Variants in PABIR3 observed in about 807,000 individuals in gnomAD.
PABIR3 encodes the protein PABIR family member 1.
A neutral mutation model predicts 23.1 loss-of-function variants in PABIR3; 20 were observed. That is an observed-to-expected ratio of 0.86 (90% CI 0.61 to 1.26). PABIR3 has a LOEUF of 1.26. PABIR3 is among the 50% of genes most tolerant of loss of function. The pLI, the probability that PABIR3 is intolerant of heterozygous loss-of-function variation, is 0.00. For synonymous variants in PABIR3, 69 were observed against 68.5 expected (o/e 1.01, Z -0.04); for missense variants, 189 against 195.4 (o/e 0.97, Z 0.20).
chrX:134,830,886 T>C (rs1441536532), intron 4 of PABIR3, among the ~76,000 whole-genome samples: 1 of 111,176 alleles, frequency 9.0e-6, no homozygotes, highest in Non-Finnish European at 1.9e-5. Context: ...ATGCAGTTTA[T>C]TTCCATAGTA....
chrX:134,796,948 T>C (rs954502884), intron 1 of PABIR3: 2 of 111,449 alleles, frequency 1.8e-5, no homozygotes, highest in Non-Finnish European at 3.8e-5. Context: ...CCGGACCCGG[T>C]CCCGGAGGCT....
chrX:134,809,599 C>T, intron 2 of PABIR3: 1 of 752,790 alleles, frequency 1.3e-6, no homozygotes, highest in South Asian at 6.7e-5. Flanking sequence ...TTGCTCTTCA[C>T]CTTTTGTTGC....
chrX:134,829,317 T>TA, intron 4 of PABIR3, 35 bp downstream of exon 4: 1 of 1,109,459 alleles, frequency 9.0e-7, no homozygotes. Context: ...GCTGTTCATT[T>TA]AAAAAAGTAA....
chrX:134,809,755 A>G (rs2080525286), intron 2 of PABIR3: 1 of 727,374 alleles, frequency 1.4e-6, no homozygotes, highest in Admixed American at 8.9e-5. Context: ...AGCCAGTACT[A>G]GGAAGCTCTG....
intron 3 of PABIR3, 84 bp downstream of exon 3, chrX:134,814,933 C>T (rs1447971358): frequency 2.7e-6 from 2 of 733,582 alleles, no homozygotes; most frequent in African/African-American, 4.3e-5. Flanking sequence ...TGAGCATTCA[C>T]AGGGAGGGCT....
intron 2 of PABIR3, chrX:134,808,004 T>C (rs1330670079): frequency 3.3e-6 from 1 of 304,207 alleles, no homozygotes. Flanking sequence ...GGCTTTTTTC[T>C]AACTTCAACC....
At chrX:134,858,297 G>T (rs1171863079), downstream of PABIR3, among the ~76,000 whole-genome samples, 1 of 111,656 alleles carries the variant, frequency 9.0e-6, no homozygotes, top group African/African-American at 3.2e-5. Flanking sequence ...AAGGGGGGAC[G>T]AGTGTAGAGT....
intron 3 of PABIR3, among the ~76,000 whole-genome samples, chrX:134,817,814 G>C (rs759770747): frequency 1.8e-5 from 2 of 110,833 alleles, no homozygotes; most frequent in Non-Finnish European, 3.8e-5. Flanking sequence ...CCATTGAAGA[G>C]TTTTGAGCCA....
rs773311003 is a variant in PABIR3, at chrX:134,824,749, A to G, written c.190-4477A>G. ...CAGGAGGTGGAGGTTGCATTGAGCC[A>G]AAATTGGGCCACTGGCCACTGCACT... On this transcript the variant is annotated intron_variant, in intron 3 of 10. Coordinates refer to ENST00000645433, the MANE Select transcript of PABIR3 (RefSeq NM_001388447.1). Among the ~76,000 whole-genome samples the G allele has an allele frequency of 7.1e-5, 8 of 112,030 alleles. No homozygotes were observed. In the East Asian group the frequency reaches 2.2e-3, roughly 31 times the overall value.
At chrX:134,807,740 G>A (rs1405505585) in intron 2 of PABIR3, 32 bp downstream of exon 2, 12 of 1,134,565 alleles carry the variant, frequency 1.1e-5, no homozygotes, top group Non-Finnish European at 1.4e-5. Flanking sequence ...GAGGAGGCAA[G>A]CGGTGGGGAG....
intron 4 of PABIR3, chrX:134,835,884 C>G (rs2081956717): frequency 8.9e-6 from 1 of 111,965 alleles, no homozygotes; most frequent in African/African-American, 3.2e-5. Flanking sequence ...GTTGCCTAGG[C>G]TGGAGTGCAG....
chrX:134,838,354 C>T (rs1354038924), intron 4 of PABIR3, among the ~76,000 whole-genome samples: 1 of 109,307 alleles, frequency 9.1e-6, no homozygotes, highest in Non-Finnish European at 1.9e-5. Context: ...CGCTCTGTCG[C>T]CCAGGCTGGA....
chrX:134,838,081 T>C (rs1207991217), intron 4 of PABIR3, among the ~76,000 whole-genome samples: 1 of 111,742 alleles, frequency 8.9e-6, no homozygotes, highest in East Asian at 2.8e-4. Flanking sequence ...TTGTATGGTA[T>C]CAAAATAGTC....
chrX:134,823,145 A>G (rs1161804312), intron 3 of PABIR3, among the ~76,000 whole-genome samples: 1 of 111,943 alleles, frequency 8.9e-6, no homozygotes, highest in Non-Finnish European at 1.9e-5. Context: ...GTCTCAAAAA[A>G]AAAAAGAAAA....
upstream of PABIR3, among the ~76,000 whole-genome samples, chrX:134,804,676 C>G (rs1248249195): frequency 8.9e-6 from 1 of 112,266 alleles, no homozygotes. Flanking sequence ...CGTATGAAAC[C>G]TTACTACCTG....
chrX:134,859,711 T>C (rs778365131), downstream of PABIR3, among the ~76,000 whole-genome samples: 2 of 112,266 alleles, frequency 1.8e-5, no homozygotes, highest in Admixed American at 1.9e-4. Context: ...AAGAGCTTTT[T>C]CTTTTTCCTT....
At chrX:134,837,549 A>G (rs1241659689) in intron 4 of PABIR3, among the ~76,000 whole-genome samples, 1 of 111,918 alleles carries the variant, frequency 8.9e-6, no homozygotes, top group Non-Finnish European at 1.9e-5. Context: ...ACATCCAAGT[A>G]TAACAATTCT....
At chrX:134,813,890 T>A (rs73568767) in intron 2 of PABIR3, among the ~76,000 whole-genome samples, 1,395 of 110,795 alleles carry the variant, frequency 0.013, 22 homozygotes, top group African/African-American at 0.044. Flanking sequence ...ACAACTTCAG[T>A]CCATTGTTAT....
At chrX:134,847,232 C>T in intron 6 of PABIR3, 151 bp from the exon 7 acceptor site, 1 of 382,260 alleles carries the variant, frequency 2.6e-6, no homozygotes, top group Non-Finnish European at 4.6e-6. Flanking sequence ...ATTTTGGGTT[C>T]CCTGATTGCT....
Sources: gnomAD v4.1 joint callset for allele counts (sites outside exome capture counted in the v4.1 genomes callset) on GRCh38, gnomAD v4.1.1 for gene constraint, MANE v1.5 for transcripts, NCBI Gene and HGNC (gene_info 2026-07-23, HGNC 2026-07-21) for gene names.